Variants in SLC35E2B observed in about 807,000 individuals in gnomAD.
SLC35E2B encodes the protein solute carrier family 35, member E2B.
SLC35E2B carries 18 observed loss-of-function variants against 32.4 expected under a neutral mutation model. The observed-to-expected ratio is 0.56, with a 90% CI of 0.38 to 0.82. SLC35E2B has a LOEUF of 0.82. SLC35E2B is among the 40% of genes least tolerant of loss of function. The pLI is 0.00. For synonymous variants in SLC35E2B, 132 were observed against 209.1 expected, an observed-to-expected ratio of 0.63 and a Z score of 3.18; for missense variants, 263 against 469.5, an observed-to-expected ratio of 0.56 and a Z score of 4.06.
chr1:1,679,986 C>T (rs947526571), intron 2 of SLC35E2B, among the ~76,000 whole-genome samples: 4 of 150,870 alleles, frequency 2.7e-5, no homozygotes, highest in Non-Finnish European at 4.4e-5. Context: ...CAAAATTAGC[C>T]GGGCGTAGTG....
intron 6 of SLC35E2B, chr1:1,670,663 C>G (rs1351826371): frequency 6.5e-6 from 1 of 153,436 alleles, no homozygotes; most frequent in African/African-American, 2.4e-5. Flanking sequence ...CCTCGTGATC[C>G]ACCCGCCTTG....
chr1:1,666,088 C>T (rs979997081), intron 9 of SLC35E2B, 69 bp from the exon 10 acceptor site: 26 of 1,487,014 alleles, frequency 1.7e-5, no homozygotes, highest in Admixed American at 1.7e-4. Context: ...GCCAGCAGCT[C>T]GGCTGAGCCT....
At chr1:1,682,229 C>T (rs1053719257) in intron 2 of SLC35E2B, among the ~76,000 whole-genome samples, 3 of 151,910 alleles carry the variant, frequency 2.0e-5, no homozygotes, top group African/African-American at 7.3e-5. Flanking sequence ...AGCACTTCGC[C>T]GAGGCTGACT....
In SLC35E2B at chr1:1,692,669, C is replaced by G. The variant is rs1356269061; in HGVS notation, c.-786G>C. 2 of 983,186 alleles carry G rather than the reference C, an allele frequency of 2.0e-6. No homozygotes were observed. The highest frequency in any genetic ancestry group is 3.5e-5 in the African/African-American group (2 of 56,854). The allele number at this position is 983,186 out of a possible 1,614,324, so 60.9% of individuals were successfully genotyped here. ...CGGGACCGGAAATGACGCGCAGAAC[C>G]CTGCATCGGGCTCCTCGCTGCCCCG... On this transcript the variant is annotated 5_prime_UTR_variant, in exon 1 of 10. Coordinates refer to ENST00000617444, the MANE Select transcript of SLC35E2B (RefSeq NM_001290264.2).
chr1:1,666,105 G>T, intron 9 of SLC35E2B, 86 bp from the exon 10 acceptor site: 1 of 1,450,450 alleles, frequency 6.9e-7, no homozygotes, highest in Non-Finnish European at 9.2e-7. Flanking sequence ...GCCTGGGTCT[G>T]GAGGCTGGGT....
chr1:1,670,152 C>G lies in SLC35E2B; in HGVS notation c.708-1G>C. On this transcript the variant is annotated splice_acceptor_variant, in intron 6 of 9. Transcript: ENST00000617444. LOFTEE classifies it high-confidence loss of function. ...CTTTTTTGAAAAAACATTTTGCAAA[C>G]TAGAATAAAGAAAAGAGGTTATGCA... 1 of 1,550,018 alleles carries G rather than the reference C, an allele frequency of 6.5e-7. No individual in the cohort carries two copies. Among genetic ancestry groups the G allele is most frequent in the South Asian group, 1.2e-5 (1 of 83,990 alleles).
intron 9 of SLC35E2B, among the ~76,000 whole-genome samples, chr1:1,667,657 C>T: frequency 6.6e-6 from 1 of 152,066 alleles, no homozygotes; most frequent in Admixed American, 6.6e-5. Flanking sequence ...TGTATGTGGC[C>T]AGTGGCTCCT....
rs148589059 is a variant in SLC35E2B, at chr1:1,679,608, C to T, written c.-147-2762G>A. On this transcript the variant is annotated intron_variant, in intron 2 of 9. Coordinates refer to ENST00000617444, the MANE Select transcript of SLC35E2B (RefSeq NM_001290264.2). ...TTGGGAGGCCAAGGTGGGCGGATCACCTGAGCTCAGGAGTTCATGACCAGC... is the reference window on the plus strand; with the variant it reads ...TTGGGAGGCCAAGGTGGGCGGATCATCTGAGCTCAGGAGTTCATGACCAGC... 1.0e-3 allele frequency among the ~76,000 whole-genome samples: 146 copies of T among 146,196 alleles called. 2 individuals are homozygous for T. The highest frequency in any genetic ancestry group is 3.6e-3 in the African/African-American group (141 of 39,258).
chr1:1,690,147 G>A (rs1483001274), intron 2 of SLC35E2B, among the ~76,000 whole-genome samples: 3 of 150,596 alleles, frequency 2.0e-5, no homozygotes, highest in African/African-American at 7.3e-5. Context: ...CGGCATGGTG[G>A]CACATGCCTT....
At chr1:1,666,353 C>T (rs984688979) in intron 9 of SLC35E2B, among the ~76,000 whole-genome samples, 6 of 152,264 alleles carry the variant, frequency 3.9e-5, no homozygotes, top group Admixed American at 2.0e-4. Context: ...GTAACGGCCA[C>T]GTCCTGTGAT....
intron 7 of SLC35E2B, 144 bp downstream of exon 7, chr1:1,669,954 C>T (rs1643644312): frequency 2.3e-6 from 2 of 882,286 alleles, no homozygotes; most frequent in Admixed American, 2.2e-5. Flanking sequence ...GCGGGTCCCT[C>T]CCGAGCTTAG....
chr1:1,665,717 C>A lies in SLC35E2B; in HGVS notation c.*65G>T. ...ACCCCAGCAGGGCCATGGAGGAGGGCGTCCCTGCCCATTTCTGGGGGATGC... is the reference window on the plus strand; with the variant it reads ...ACCCCAGCAGGGCCATGGAGGAGGGAGTCCCTGCCCATTTCTGGGGGATGC... On this transcript the variant is annotated 3_prime_UTR_variant, in exon 10 of 10. Transcript: ENST00000617444. The A allele has an allele frequency of 6.5e-7, 1 of 1,526,996 alleles. No homozygotes were observed. The highest frequency in any genetic ancestry group is 1.2e-5 in the South Asian group (1 of 82,366). 94.6% of individuals were successfully genotyped at this position (1,526,996 alleles called of 1,614,324 possible).
rs374286077 is a variant in SLC35E2B, at chr1:1,689,518, T to C, written c.-148+1458A>G. 3.3e-5 allele frequency among the ~76,000 whole-genome samples: 5 copies of C among 151,688 alleles called. 1 individual carries two copies. The highest frequency in any genetic ancestry group is 3.9e-4 in the East Asian group (2 of 5,158). On this transcript the variant is annotated intron_variant, in intron 2 of 9. Transcript: ENST00000617444. ...TTCGAACCCAGGTGGCCTGCTCTTA[T>C]GATAAACTTAAATGTGTAAAACTTT... is the stretch of plus-strand genomic sequence containing the variant.
chr1:1,680,498 C>T (rs557440930), intron 2 of SLC35E2B, among the ~76,000 whole-genome samples: 12 of 152,208 alleles, frequency 7.9e-5, no homozygotes, highest in African/African-American at 2.4e-4. Flanking sequence ...TCTGTGTCTA[C>T]GTGCAGGAGT....
intron 2 of SLC35E2B, among the ~76,000 whole-genome samples, chr1:1,689,805 G>C (rs1186010658): frequency 3.3e-5 from 5 of 151,026 alleles, no homozygotes; most frequent in Non-Finnish European, 1.5e-5. Context: ...TGACCAACAT[G>C]GTGAAACCCT....
intron 2 of SLC35E2B, among the ~76,000 whole-genome samples, chr1:1,683,470 CAG>C (rs1006123691): frequency 2.6e-4 from 39 of 152,232 alleles, no homozygotes; most frequent in African/African-American, 8.9e-4. Flanking sequence ...CAGCCGGCCG[CAG>C]AGACGCGCAG....
At chr1:1,677,856 G>A (rs1292546042) in intron 2 of SLC35E2B, among the ~76,000 whole-genome samples, 1 of 151,510 alleles carries the variant, frequency 6.6e-6, no homozygotes, top group Non-Finnish European at 1.5e-5. Context: ...CCCTTCCCAC[G>A]AGCTCCAGGA....
chr1:1,682,503 G>A (rs1357843850), intron 2 of SLC35E2B, among the ~76,000 whole-genome samples: 1 of 152,162 alleles, frequency 6.6e-6, no homozygotes, highest in Non-Finnish European at 1.5e-5. Context: ...CCGGAGCGGG[G>A]GAAGACTGAG....
At chr1:1,668,698 T>C (rs1004822225) in intron 8 of SLC35E2B, among the ~76,000 whole-genome samples, 1 of 152,178 alleles carries the variant, frequency 6.6e-6, no homozygotes, top group African/African-American at 2.4e-5. Flanking sequence ...ATTTTCACCA[T>C]GCAGATGCAA....
Sources: allele counts gnomAD v4.1 joint callset (sites outside exome capture counted in the v4.1 genomes callset), GRCh38; gene constraint gnomAD v4.1.1; transcripts MANE v1.5; gene names NCBI Gene and HGNC (gene_info 2026-07-23, HGNC 2026-07-21).